Variants in GRK2 observed in about 807,000 individuals in gnomAD.
GRK2 encodes adrenergic beta receptor kinase 1.
Under a neutral mutation model 97.8 loss-of-function variants are expected in GRK2, and 23 were observed. That is an observed-to-expected ratio of 0.24 (90% CI 0.17 to 0.33). The LOEUF is 0.33. GRK2 is among the 10% of genes least tolerant of loss of function. The pLI is 1.00. For synonymous variants in GRK2, 425 were observed against 381.7 expected (o/e 1.11, Z -1.32); for missense variants, 633 against 956.9 (o/e 0.66, Z 4.47).
intron 1 of GRK2, among the ~76,000 whole-genome samples, chr11:67,268,064 T>C (rs2136486596): frequency 6.6e-6 from 1 of 152,366 alleles, no homozygotes; most frequent in South Asian, 2.1e-4. Context: ...GGATGGGGCC[T>C]GTCCACACTG....
At chr11:67,280,531 G>A in intron 6 of GRK2, 1 of 629,530 alleles carries the variant, frequency 1.6e-6, no homozygotes, top group Non-Finnish European at 2.8e-6. Flanking sequence ...GGCCATGCTG[G>A]GCACCCAAGC....
At chr11:67,271,720 G>A (rs985205909) in intron 1 of GRK2, among the ~76,000 whole-genome samples, 3 of 152,242 alleles carry the variant, frequency 2.0e-5, no homozygotes, top group African/African-American at 4.8e-5. Flanking sequence ...CTGTGTGTGC[G>A]GGGCCAGCTG....
chr11:67,285,470 T>G lies in GRK2; in HGVS notation c.*20T>G, dbSNP rs201776158. ...CTCTGACCCGCCCACCCGCCTTTTA[T>G]AAACCTCTAATTTATTTTGTCGAAT... On this transcript the variant is annotated 3_prime_UTR_variant, in exon 21 of 21. Transcript: ENST00000308595. 1 of 1,520,016 alleles carries G rather than the reference T, an allele frequency of 6.6e-7. No homozygotes were observed. The highest frequency in any genetic ancestry group is 8.8e-7 in the Non-Finnish European group (1 of 1,136,608). The allele number at this position is 1,520,016 out of a possible 1,614,324, so 94.2% of individuals were successfully genotyped here.
In GRK2 at chr11:67,274,495, C is replaced by CTT. The variant is rs57767154; in HGVS notation, c.114-2751_114-2750dup. Among the ~76,000 whole-genome samples, 76 of 22,468 alleles carry CTT rather than the reference C, an allele frequency of 3.4e-3. 10 individuals carry two copies. Among genetic ancestry groups the CTT allele is most frequent in the East Asian group, 5.4e-3 (2 of 372 alleles). 14.7% of individuals were successfully genotyped at this position (22,468 alleles called of 152,430 possible). On this transcript the variant is annotated intron_variant, in intron 1 of 20. Transcript: ENST00000308595. Reference sequence around the variant, plus strand: ...TCGCTACCTTCCGCTTGACCAGCACCTTTTTTTTTTTTTTTTTTTTTTTTT... The same window carrying CTT: ...TCGCTACCTTCCGCTTGACCAGCACCTTTTTTTTTTTTTTTTTTTTTTTTTTT...
At chr11:67,274,878 G>T (rs982079617) in intron 1 of GRK2, among the ~76,000 whole-genome samples, 7 of 152,168 alleles carry the variant, frequency 4.6e-5, no homozygotes, top group Non-Finnish European at 5.9e-5. Context: ...TGTGGACGCG[G>T]GGCCCATCCT....
chr11:67,274,495 C>CTTTT lies in GRK2; in HGVS notation c.114-2753_114-2750dup, dbSNP rs57767154. ...TCGCTACCTTCCGCTTGACCAGCAC[C>CTTTT]TTTTTTTTTTTTTTTTTTTTTTTTT... On this transcript the variant is annotated intron_variant, in intron 1 of 20. Coordinates refer to ENST00000308595, the MANE Select transcript of GRK2 (RefSeq NM_001619.5). Among the ~76,000 whole-genome samples, 15 of 22,480 alleles carry CTTTT rather than the reference C, an allele frequency of 6.7e-4. 1 individual carries two copies. In the East Asian group the frequency reaches 0.013, roughly 20 times the overall value. The allele number at this position is 22,480 out of a possible 152,430, so 14.7% of individuals were successfully genotyped here.
In GRK2 at chr11:67,276,240, C is replaced by G. The variant is rs1253775359; in HGVS notation, c.114-1032C>G. On this transcript the variant is annotated intron_variant, in intron 1 of 20. Transcript: ENST00000308595. This position sits in a 1 kb window ranked among gnomAD's most constrained non-coding sequence, Gnocchi z 4.2. ...CAATGCCCTCAGCATGGCAGCTACA[C>G]GTTACCCCAGGAGCCCAGACTAGTG... Among the ~76,000 whole-genome samples the G allele has an allele frequency of 6.6e-6, 1 of 152,200 alleles. No homozygotes were observed.
chr11:67,266,756 G>A lies in GRK2; in HGVS notation c.57G>A (p.Lys19=). ...ADVSYLMAME[K]SKATPAARAS... ...TGAGCTACCTGATGGCCATGGAGAA[G>A]AGCAAGGCCACGCCGGCCGCGCGCG... The change falls in exon 1 of 21, where the codon AAG becomes AAA. Residue 19 remains lysine (K), a synonymous_variant. Transcript: ENST00000308595. 1.4e-6 allele frequency: 2 copies of A among 1,383,148 alleles called. No homozygotes were observed. Among genetic ancestry groups the A allele is most frequent in the Non-Finnish European group, 9.5e-7 (1 of 1,056,550 alleles). 85.7% of individuals were successfully genotyped at this position (1,383,148 alleles called of 1,614,324 possible).
intron 6 of GRK2, chr11:67,280,470 C>T: frequency 1.8e-6 from 1 of 568,758 alleles, no homozygotes; most frequent in Non-Finnish European, 3.2e-6. Flanking sequence ...TGGAAGACCT[C>T]CTTTCTGTGC....
rs1287273601 is a variant in GRK2 at position 67,285,088 on chromosome 11, C to T, written c.1805C>T (p.Thr602Ile). The T allele has an allele frequency of 1.9e-6, 3 of 1,613,170 alleles. No homozygotes were observed. The highest frequency in any genetic ancestry group is 2.5e-6 in the Non-Finnish European group (3 of 1,179,918). ...GEGEAPQSLL[T>I]MEEIQSVEET... ...CTGGCCCTGCAGCAGAGCCTGCTGA[C>T]CATGGAGGAGATCCAGTCGGTGGAG... Residue 602 changes from threonine (T) to isoleucine (I), a missense_variant, in exon 20 of 21, where the codon ACC (threonine) becomes ATC (isoleucine). Transcript: ENST00000308595.
chr11:67,283,128 G>A lies in GRK2; in HGVS notation c.1228G>A (p.Ala410Thr). Residue 410 changes from alanine to threonine, a missense_variant and splice_region_variant, in exon 15 of 21, where the codon GCC becomes ACC. Physicochemically the swap from Ala to Thr is moderately conservative, Grantham distance 58 (BLOSUM62 0). Transcript: ENST00000308595. ...HEIDRMTLTM[A>T]VELPDSFSPE... is the part of the protein sequence containing the mutation. ...GCTAATGTCCCACTCCTCTCTAAAGGCCGTGGAGCTGCCCGACTCCTTCTC... is the reference window on the plus strand; with the variant it reads ...GCTAATGTCCCACTCCTCTCTAAAGACCGTGGAGCTGCCCGACTCCTTCTC... 1 of 1,613,814 alleles carries A rather than the reference G, an allele frequency of 6.2e-7. No individual in the cohort carries two copies. Among genetic ancestry groups the A allele is most frequent in the Non-Finnish European group, 8.5e-7 (1 of 1,179,904 alleles).
At chr11:67,279,738 T>G (rs1860109871) in intron 5 of GRK2, 38 bp downstream of exon 5, 2 of 1,613,314 alleles carry the variant, frequency 1.2e-6, no homozygotes, top group East Asian at 2.2e-5. Flanking sequence ...CAAGGTCACC[T>G]TGGACAGCCC....
At chr11:67,266,895 C>T (rs960511478) in intron 1 of GRK2, 83 bp downstream of exon 1, 4 of 586,658 alleles carry the variant, frequency 6.8e-6, no homozygotes, top group African/African-American at 5.8e-5. Context: ...CATGCTCGAC[C>T]CCGCGACCTG....
In GRK2 at chr11:67,285,420, G is replaced by T; in HGVS notation, c.2040G>T (p.Leu680=). ...SPVVELSKVP[L]VQRGSANGL ...TGGTGGAGCTGAGCAAGGTGCCGCT[G>T]GTCCAGCGCGGCAGTGCCAACGGCC... is the stretch of plus-strand genomic sequence containing the variant. Residue 680 remains leucine (L), a synonymous_variant, in exon 21 of 21, where the codon CTG becomes CTT. Transcript: ENST00000308595. The T allele has an allele frequency of 6.3e-7, 1 of 1,591,898 alleles. No individual in the cohort carries two copies. Among genetic ancestry groups the T allele is most frequent in the Non-Finnish European group, 8.6e-7 (1 of 1,167,746 alleles).
chr11:67,267,835 C>T (rs1045394015), intron 1 of GRK2, among the ~76,000 whole-genome samples: 35 of 152,224 alleles, frequency 2.3e-4, no homozygotes, highest in African/African-American at 8.0e-4. Flanking sequence ...GATGGGGAAA[C>T]TGAAGCTCCA....
chr11:67,286,410 T>A lies in GRK2; in HGVS notation c.*960T>A. 1 of 700,244 alleles carries A rather than the reference T, an allele frequency of 1.4e-6. No homozygotes were observed. The highest frequency in any genetic ancestry group is 2.6e-6 in the Non-Finnish European group (1 of 383,716). The allele number at this position is 700,244 out of a possible 1,614,324, so 43.4% of individuals were successfully genotyped here. Reference sequence around the variant, plus strand: ...CGTGCCAGTCGCGCTGCCTGTGTGGTGTCGCGCCTTCTCCCCCCCGGGGCT... The same window carrying A: ...CGTGCCAGTCGCGCTGCCTGTGTGGAGTCGCGCCTTCTCCCCCCCGGGGCT... On this transcript the variant is annotated 3_prime_UTR_variant, in exon 21 of 21. Transcript: ENST00000308595.
rs373993330 is a variant in GRK2, at chr11:67,281,199, C to T, written c.647+15C>T. On this transcript the variant is annotated intron_variant, in intron 8 of 20. Coordinates refer to ENST00000308595, the MANE Select transcript of GRK2 (RefSeq NM_001619.5). This position sits in a 1 kb window ranked among gnomAD's most constrained non-coding sequence, Gnocchi z 5.7. Reference sequence around the variant, plus strand: ...ACAGGCAAGATGTGAGCACCCTGCTCGGCGCGGTGGGATACCTCGGGGAGC... The same window carrying T: ...ACAGGCAAGATGTGAGCACCCTGCTTGGCGCGGTGGGATACCTCGGGGAGC... 63 of 1,606,954 alleles carry T rather than the reference C, an allele frequency of 3.9e-5. 1 individual carries two copies. The highest frequency in any genetic ancestry group is 1.2e-4 in the South Asian group (11 of 90,604).
chr11:67,285,278 A>G lies in GRK2; in HGVS notation c.1906-8A>G, dbSNP rs1565069737. ...CCCAGCTGACAGAGCTGGGCTTGGCATGTGCAGAGCGACCCTGAGCTGGTG... is the reference window on the plus strand; with the variant it reads ...CCCAGCTGACAGAGCTGGGCTTGGCGTGTGCAGAGCGACCCTGAGCTGGTG... On this transcript the variant is annotated splice_region_variant and splice_polypyrimidine_tract_variant and intron_variant, in intron 20 of 20. Transcript: ENST00000308595. 1 of 1,609,048 alleles carries G rather than the reference A, an allele frequency of 6.2e-7. No individual in the cohort carries two copies. Among genetic ancestry groups the G allele is most frequent in the Non-Finnish European group, 8.5e-7 (1 of 1,177,874 alleles).
intron 6 of GRK2, 103 bp from the exon 7 acceptor site, chr11:67,280,629 C>T: frequency 7.6e-7 from 1 of 1,321,120 alleles, no homozygotes; most frequent in South Asian, 1.2e-5. Flanking sequence ...CCACACCTAC[C>T]CTCACGGGAC....
Sources: gnomAD v4.1 joint callset for allele counts (sites outside exome capture counted in the v4.1 genomes callset) on GRCh38, gnomAD v4.1.1 for gene constraint, Gnocchi (gnomAD v3.1) non-coding constraint, MANE v1.5 for transcripts, NCBI Gene and HGNC (gene_info 2026-07-23, HGNC 2026-07-21) for gene names.